GLYATL1: variants seen among roughly 807,000 people sequenced by gnomAD.
The protein encoded by GLYATL1 is glycine-N-acyltransferase like 1.
Under a neutral mutation model 20.0 loss-of-function variants are expected in GLYATL1, and 15 were observed. The observed-to-expected ratio is 0.75, with a 90% CI of 0.50 to 1.15. GLYATL1 has a LOEUF of 1.15. Ranked by LOEUF, GLYATL1 falls within the 50% of genes most tolerant of loss-of-function variation. GLYATL1 has a pLI of 0.00. For missense variants in GLYATL1, 380 were observed against 368.5 expected (o/e 1.03, Z -0.26); for synonymous variants, 151 against 131.5 (o/e 1.15, Z -1.01).
chr11:58,926,005 T>G (rs1479621060), upstream of GLYATL1, among the ~76,000 whole-genome samples: 2 of 152,234 alleles, frequency 1.3e-5, no homozygotes, highest in Non-Finnish European at 2.9e-5. Context: ...AATGACATCT[T>G]GAGTAGACTC....
intron 1 of GLYATL1, among the ~76,000 whole-genome samples, chr11:58,917,497 G>C (rs1431358973): frequency 6.6e-6 from 1 of 152,238 alleles, no homozygotes; most frequent in African/African-American, 2.4e-5. Context: ...AGAGGCAGAA[G>C]AAAGGCAGTT....
chr11:58,935,657 G>T (rs1380902193), upstream of GLYATL1: 3 of 152,042 alleles, frequency 2.0e-5, no homozygotes, highest in South Asian at 6.2e-4. Flanking sequence ...TCTATATAAC[G>T]ATTGTCAAAG....
downstream of GLYATL1, chr11:58,908,626 C>G (rs1416134657): frequency 6.5e-6 from 1 of 154,532 alleles, no homozygotes; most frequent in Non-Finnish European, 1.5e-5. Flanking sequence ...GAGATAAATT[C>G]CTAAAGAATA....
At chr11:58,948,639 G>C (rs1486409303) in intron 4 of GLYATL1, among the ~76,000 whole-genome samples, 1 of 149,274 alleles carries the variant, frequency 6.7e-6, no homozygotes, top group Admixed American at 6.7e-5. Flanking sequence ...AGACCCTGTT[G>C]TTTTTGTTTT....
upstream of GLYATL1, among the ~76,000 whole-genome samples, chr11:58,927,401 C>T (rs1293977089): frequency 6.6e-6 from 1 of 152,246 alleles, no homozygotes; most frequent in Non-Finnish European, 1.5e-5. Context: ...GCTAGAGAGT[C>T]AGGCAGGTGC....
chr11:58,909,842 G>T (rs1893627), downstream of GLYATL1, among the ~76,000 whole-genome samples: 29,833 of 152,034 alleles, frequency 0.2, 3,559 homozygotes, highest in African/African-American at 0.32. Context: ...CACATGAGTG[G>T]ATATTCCAGA....
Position 58,956,158 on chromosome 11 carries a change from G to A in GLYATL1, c.*131G>A. On this transcript the variant is annotated 3_prime_UTR_variant, in exon 7 of 7. Transcript: ENST00000532726. The stretch of plus-strand genomic sequence containing the variant: ...ACAGCAGGAACTCTTCTCACCTGGA[G>A]CCTTGATGTTAAAAGACACAGCCAT... The A allele has an allele frequency of 1.3e-6, 1 of 795,728 alleles. No individual in the cohort carries two copies. Among genetic ancestry groups the A allele is most frequent in the Non-Finnish European group, 2.0e-6 (1 of 505,818 alleles). The allele number at this position is 795,728 out of a possible 1,614,324, so 49.3% of individuals were successfully genotyped here.
upstream of GLYATL1, among the ~76,000 whole-genome samples, chr11:58,927,225 T>C (rs1038133850): frequency 2.6e-5 from 4 of 152,248 alleles, no homozygotes; most frequent in Non-Finnish European, 4.4e-5. Context: ...AAACTGGATT[T>C]GTAGAGCTAC....
chr11:58,947,835 G>C (rs1354388511), intron 3 of GLYATL1, 23 bp from the exon 4 acceptor site: 1 of 1,500,508 alleles, frequency 6.7e-7, no homozygotes, highest in Admixed American at 1.7e-5. Context: ...AACCTCTCCT[G>C]GTCCCTTTCA....
In GLYATL1 at chr11:58,921,333, G is replaced by A. The variant is rs117323223; in HGVS notation, n.264+15672G>A. ...TCACTACCAAGTGTTCAGTCCTGGT[G>A]TCTACCATAAGGTCCATCAGCTGGC... On this transcript the variant is annotated intron_variant and non_coding_transcript_variant, in intron 1 of 2. Coordinates refer to the GLYATL1 transcript ENST00000534674. Among the ~76,000 whole-genome samples, 19 of 152,254 alleles carry A rather than the reference G, an allele frequency of 1.2e-4. No individual in the cohort carries two copies. In the East Asian group the frequency reaches 3.7e-3, roughly 29 times the overall value.
At chr11:58,910,343 T>G (rs938921047), downstream of GLYATL1, among the ~76,000 whole-genome samples, 8 of 152,166 alleles carry the variant, frequency 5.3e-5, no homozygotes, top group Non-Finnish European at 7.4e-5. Flanking sequence ...CTTTGTTAAG[T>G]TAAATATTAA....
At chr11:58,942,533 T>G (rs1240820918) in intron 1 of GLYATL1, 1 of 152,130 alleles carries the variant, frequency 6.6e-6, no homozygotes, top group Non-Finnish European at 1.5e-5. Context: ...AATTTTTCTT[T>G]GAACAGGTGA....
downstream of GLYATL1, among the ~76,000 whole-genome samples, chr11:58,912,881 GA>G (rs1382087959): frequency 6.6e-6 from 1 of 152,216 alleles, no homozygotes; most frequent in Non-Finnish European, 1.5e-5. Flanking sequence ...CACACAAATA[GA>G]AAAGTTTTGC....
intron 1 of GLYATL1, among the ~76,000 whole-genome samples, chr11:58,918,073 C>A (rs865821431): frequency 1.3e-5 from 2 of 152,096 alleles, no homozygotes; most frequent in Admixed American, 1.3e-4. Flanking sequence ...CAAGGCAGAT[C>A]TACTCTCTTT....
In GLYATL1 at chr11:58,947,893, C is replaced by G. The variant is rs1241356019; in HGVS notation, c.114C>G (p.Asn38Lys). The change falls in exon 4 of 7, where the codon AAC becomes AAG. Residue 38 changes from asparagine to lysine, a missense_variant. Asn to Lys is a moderately conservative substitution (Grantham distance 94, BLOSUM62 0). Coordinates refer to ENST00000532726, the MANE Select transcript of GLYATL1 (RefSeq NM_001389712.2). ...CTGTGTATCACATCAATCACGGGAACCCCTTCAACATGGAGGTGCTGGTGG... is the reference window on the plus strand; with the variant it reads ...CTGTGTATCACATCAATCACGGGAAGCCCTTCAACATGGAGGTGCTGGTGG... ...YGSVYHINHG[N>K]PFNMEVLVDS... 1 of 1,613,804 alleles carries G rather than the reference C, an allele frequency of 6.2e-7. No homozygotes were observed. The highest frequency in any genetic ancestry group is 8.5e-7 in the Non-Finnish European group (1 of 1,179,836).
chr11:58,937,098 T>C (rs1196091880), upstream of GLYATL1, among the ~76,000 whole-genome samples: 1 of 152,228 alleles, frequency 6.6e-6, no homozygotes, highest in East Asian at 1.9e-4. Flanking sequence ...AAAGAACCTG[T>C]GTTTACTTGG....
intron 1 of GLYATL1, among the ~76,000 whole-genome samples, chr11:58,941,745 G>T (rs148618163): frequency 3.7e-4 from 56 of 152,246 alleles, no homozygotes; most frequent in African/African-American, 1.3e-3. Context: ...AGAGAGTGAG[G>T]TCTAGGACCT....
chr11:58,955,473 T>C, intron 6 of GLYATL1, 120 bp downstream of exon 6: 1 of 1,369,668 alleles, frequency 7.3e-7, no homozygotes, highest in Non-Finnish European at 1.0e-6. Context: ...ATAAAGGTTG[T>C]CAAAGTTCAA....
chr11:58,939,994 A>C (rs1329143606), intron 1 of GLYATL1, among the ~76,000 whole-genome samples: 1 of 152,190 alleles, frequency 6.6e-6, no homozygotes, highest in Non-Finnish European at 1.5e-5. Context: ...ATGCTGCAAC[A>C]GTTGGATTGT....
Sources: allele counts gnomAD v4.1 joint callset (sites outside exome capture counted in the v4.1 genomes callset), GRCh38; gene constraint gnomAD v4.1.1; transcripts MANE v1.5; gene names NCBI Gene and HGNC (gene_info 2026-07-23, HGNC 2026-07-21).